The following BAG2 variants were observed in gnomAD, a reference collection of about 807,000 sequenced individuals.
BAG2 encodes BAG cochaperone 2.
Under a neutral mutation model 16.4 loss-of-function variants are expected in BAG2, and 8 were observed. That is an observed-to-expected ratio of 0.49 (90% CI 0.29 to 0.88). The LOEUF is 0.88. Among genes scored for constraint, BAG2 ranks in the 40% least tolerant of loss-of-function variants. The pLI, the probability that BAG2 is intolerant of heterozygous loss-of-function variation, is 0.09. For missense variants in BAG2, 218 were observed against 248.9 expected, an observed-to-expected ratio of 0.88 and a Z score of 0.84; for synonymous variants, 82 against 89.2, an observed-to-expected ratio of 0.92 and a Z score of 0.46.
In BAG2 at chr6:57,183,834, G is replaced by T; in HGVS notation, c.280G>T (p.Val94Phe). Reference sequence around the variant, plus strand: ...CCGTTTGATGGGAAGAACTCTCACCGTTGAAGTGTCAGTAGAAACAATTAG... The same window carrying T: ...CCGTTTGATGGGAAGAACTCTCACCTTTGAAGTGTCAGTAGAAACAATTAG... ...ANRLMGRTLTVEVSVETIRNP... is the reference protein window; with the variant it reads ...ANRLMGRTLTFEVSVETIRNP... Residue 94 changes from valine (V) to phenylalanine (F), a missense_variant, in exon 3 of 3, where the codon GTT (valine) becomes TTT (phenylalanine). Physicochemically the swap from Val to Phe is conservative, Grantham distance 50. Around this residue, in one of 3 missense-constraint regions of BAG2, gnomAD observed 30 missense variants for 57.8 expected, o/e 0.52. Transcript: ENST00000370693. 2 of 1,612,956 alleles carry T rather than the reference G, an allele frequency of 1.2e-6. No homozygotes were observed. The highest frequency in any genetic ancestry group is 1.7e-6 in the Non-Finnish European group (2 of 1,179,616).
At chr6:57,177,862 C>T (rs76105537) in intron 1 of BAG2, among the ~76,000 whole-genome samples, 134 of 152,228 alleles carry the variant, frequency 8.8e-4, no homozygotes, top group African/African-American at 3.1e-3. Flanking sequence ...AGCAGTTTGC[C>T]GTTTCGATAC....
In BAG2 at chr6:57,172,733, G is replaced by C; in HGVS notation, c.36G>C (p.Glu12Asp). The stretch of plus-strand genomic sequence containing the variant: ...CGAAGATCAACGCTAAAGCCAACGA[G>C]GGGCGCTTCTGCCGCTCCTCCTCCA... ...AQAKINAKANEGRFCRSSSMA... is the reference protein window; with the variant it reads ...AQAKINAKANDGRFCRSSSMA... Residue 12 changes from glutamate (E) to aspartate (D), a missense_variant, in exon 1 of 3, where the codon GAG becomes GAC. Physicochemically the swap from Glu to Asp is conservative, Grantham distance 45. Around this residue, in one of 3 missense-constraint regions of BAG2, gnomAD observed 75 missense variants for 63.1 expected, o/e 1.19. Coordinates refer to ENST00000370693, the MANE Select transcript of BAG2 (RefSeq NM_004282.4). 1 of 1,581,638 alleles carries C rather than the reference G, an allele frequency of 6.3e-7. No individual in the cohort carries two copies. Among genetic ancestry groups the C allele is most frequent in the Non-Finnish European group, 8.6e-7 (1 of 1,166,794 alleles).
intron 2 of BAG2, among the ~76,000 whole-genome samples, chr6:57,183,171 A>T (rs556837355): frequency 4.6e-5 from 7 of 152,328 alleles, no homozygotes; most frequent in Admixed American, 4.6e-4. Flanking sequence ...TCCTGCCCAA[A>T]GATCAATGAA....
Position 57,188,167 on chromosome 6 carries a change from T to TAAG in BAG2, c.*3979_*3981dup, listed in dbSNP as rs1199484225. ...ATGGTTTCATAAAATTAAAGTTATT[T>TAAG]AAGAGAATGAAGGGTCTTGGAAAAA... On this transcript the variant is annotated 3_prime_UTR_variant, in exon 3 of 3. Transcript: ENST00000370693. The TAAG allele has an allele frequency of 2.0e-5, 3 of 152,150 alleles. No individual in the cohort carries two copies. Among genetic ancestry groups the TAAG allele is most frequent in the African/African-American group, 7.2e-5 (3 of 41,442 alleles). The allele number at this position is 152,150 out of a possible 1,614,324, so 9.4% of individuals were successfully genotyped here. A position where few individuals can be genotyped will look rare whatever the true frequency, so the allele number is the denominator to read the frequency against.
chr6:57,179,049 A>T (rs748407876), intron 1 of BAG2, among the ~76,000 whole-genome samples: 4 of 152,212 alleles, frequency 2.6e-5, no homozygotes, highest in Non-Finnish European at 4.4e-5. Flanking sequence ...CTCTTCTTTC[A>T]GCATCTTCTC....
Position 57,184,109 on chromosome 6 carries a change from C to G in BAG2, c.555C>G (p.Asp185Glu), listed in dbSNP as rs758987860. The G allele has an allele frequency of 1.2e-6, 2 of 1,603,122 alleles. No individual in the cohort carries two copies. Among genetic ancestry groups the G allele is most frequent in the South Asian group, 2.3e-5 (2 of 88,302 alleles). ...ETLLRNIENS[D>E]KAIKLLEHSK... is the part of the protein sequence containing the mutation. ...TGCTTAGAAATATTGAAAACTCTGACAAGGCCATCAAGCTATTAGAGCATT... is the reference window on the plus strand; with the variant it reads ...TGCTTAGAAATATTGAAAACTCTGAGAAGGCCATCAAGCTATTAGAGCATT... Residue 185 changes from aspartate to glutamate, a missense_variant, in exon 3 of 3, where the codon GAC (aspartate) becomes GAG (glutamate). By Grantham distance (45) the Asp-to-Glu change is conservative (BLOSUM62 2). Transcript: ENST00000370693.
chr6:57,173,494 TA>T (rs1764189917), intron 1 of BAG2: 1 of 984,878 alleles, frequency 1.0e-6, no homozygotes, highest in Non-Finnish European at 1.2e-6. Flanking sequence ...CATAGAAGAC[TA>T]AGTGCTAGTT....
At position 57,187,779 on chromosome 6, in the gene BAG2, C is replaced by CCAA. The variant is rs1246889219; in HGVS notation, c.*3591_*3593dup. Reference sequence around the variant, plus strand: ...AGAGTTCCTTCTGAGCACTGCACTGCCAACTTCTAAAGCAACCACCTAGAA... The same window carrying CCAA: ...AGAGTTCCTTCTGAGCACTGCACTGCCAACAACTTCTAAAGCAACCACCTAGAA... On this transcript the variant is annotated 3_prime_UTR_variant, in exon 3 of 3. Coordinates refer to ENST00000370693, the MANE Select transcript of BAG2 (RefSeq NM_004282.4). 2 of 151,700 alleles carry CCAA rather than the reference C, an allele frequency of 1.3e-5. No homozygotes were observed. Among genetic ancestry groups the CCAA allele is most frequent in the Non-Finnish European group, 2.9e-5 (2 of 67,928 alleles). The allele number at this position is 151,700 out of a possible 1,614,324, so 9.4% of individuals were successfully genotyped here.
At chr6:57,175,529 G>C (rs1353414834) in intron 1 of BAG2, among the ~76,000 whole-genome samples, 2 of 152,230 alleles carry the variant, frequency 1.3e-5, no homozygotes, top group Non-Finnish European at 2.9e-5. Context: ...AGGGCATTTA[G>C]CACCCAGAGG....
At chr6:57,173,486 T>G in intron 1 of BAG2, 1 of 985,268 alleles carries the variant, frequency 1.0e-6, no homozygotes, top group African/African-American at 1.7e-5. Flanking sequence ...CCTCCCTACA[T>G]AGAAGACTAA....
At chr6:57,173,094 G>C (rs1221624679) in intron 1 of BAG2, 7 of 1,013,972 alleles carry the variant, frequency 6.9e-6, no homozygotes, top group Non-Finnish European at 8.5e-6. Flanking sequence ...GTGTTAGGGA[G>C]CGGAAAAAAA....
chr6:57,174,000 A>G (rs1764204511), intron 1 of BAG2: 1 of 167,048 alleles, frequency 6.0e-6, no homozygotes, highest in Non-Finnish European at 1.3e-5. Context: ...ACTCAAAATA[A>G]TTTCTTGGAT....
chr6:57,189,326 T>G lies in BAG2; in HGVS notation c.*5136T>G, dbSNP rs1764741719. 1 of 152,236 alleles carries G rather than the reference T, an allele frequency of 6.6e-6. No homozygotes were observed. Among genetic ancestry groups the G allele is most frequent in the Non-Finnish European group, 1.5e-5 (1 of 68,030 alleles). The allele number at this position is 152,236 out of a possible 1,614,324, so 9.4% of individuals were successfully genotyped here. On this transcript the variant is annotated 3_prime_UTR_variant, in exon 3 of 3. Coordinates refer to ENST00000370693, the MANE Select transcript of BAG2 (RefSeq NM_004282.4). ...AAAATGTGTAAACAAAAGGATGGTTTAGAGTTGCAGGGCATTATAAAATAT... is the reference window on the plus strand; with the variant it reads ...AAAATGTGTAAACAAAAGGATGGTTGAGAGTTGCAGGGCATTATAAAATAT...
chr6:57,184,491 C>A lies in BAG2; in HGVS notation c.*301C>A. 5.0e-6 allele frequency: 1 copy of A among 198,114 alleles called. No individual in the cohort carries two copies. Among genetic ancestry groups the A allele is most frequent in the Non-Finnish European group, 1.0e-5 (1 of 98,034 alleles). 12.3% of individuals were successfully genotyped at this position (198,114 alleles called of 1,614,324 possible). A position where few individuals can be genotyped will look rare whatever the true frequency, so the allele number is the denominator to read the frequency against. On this transcript the variant is annotated 3_prime_UTR_variant, in exon 3 of 3. Transcript: ENST00000370693. ...GGGAAAACAAACGTTCAGCTAGGGG[C>A]AAAAAGCATGACTGCTTTTTCCTGT...
At position 57,189,001 on chromosome 6, in the gene BAG2, A is replaced by AAGTT. The variant is rs1764725953; in HGVS notation, c.*4813_*4816dup. ...ATGACTTCATGACATTTTCCAATAA[A>AAGTT]AGTTATTTTTACAGATTTTGCAATG... On this transcript the variant is annotated 3_prime_UTR_variant, in exon 3 of 3. Coordinates refer to ENST00000370693, the MANE Select transcript of BAG2 (RefSeq NM_004282.4). 6.6e-6 allele frequency: 1 copy of AAGTT among 151,630 alleles called. No individual in the cohort carries two copies. Among genetic ancestry groups the AAGTT allele is most frequent in the East Asian group, 1.9e-4 (1 of 5,184 alleles). 9.4% of individuals were successfully genotyped at this position (151,630 alleles called of 1,614,324 possible).
chr6:57,183,407 G>A (rs994205855), intron 2 of BAG2, among the ~76,000 whole-genome samples: 3 of 152,134 alleles, frequency 2.0e-5, no homozygotes, highest in African/African-American at 7.2e-5. Flanking sequence ...TGCACATGTC[G>A]TTCTGGAGAG....
intron 1 of BAG2, among the ~76,000 whole-genome samples, chr6:57,175,259 T>C (rs1302177215): frequency 6.6e-6 from 1 of 152,240 alleles, no homozygotes; most frequent in Non-Finnish European, 1.5e-5. Flanking sequence ...TACTATGATA[T>C]TACGATTCTC....
chr6:57,178,972 G>T (rs1359228473), intron 1 of BAG2, among the ~76,000 whole-genome samples: 2 of 152,152 alleles, frequency 1.3e-5, no homozygotes. Context: ...TTCCTTTTCA[G>T]AATAGCATTG....
chr6:57,188,105 T>A lies in BAG2; in HGVS notation c.*3915T>A, dbSNP rs559709842. The A allele has an allele frequency of 6.6e-6, 1 of 152,250 alleles. No homozygotes were observed. Among genetic ancestry groups the A allele is most frequent in the African/African-American group, 2.4e-5 (1 of 41,570 alleles). 9.4% of individuals were successfully genotyped at this position (152,250 alleles called of 1,614,324 possible). A position where few individuals can be genotyped will look rare whatever the true frequency, so the allele number is the denominator to read the frequency against. ...AGTAGATTAGAGCACAAATGCACAA[T>A]CACCTGGAATCTTGGAAAAGTTTTT... On this transcript the variant is annotated 3_prime_UTR_variant, in exon 3 of 3. Transcript: ENST00000370693.
Sources: gnomAD v4.1 joint callset for allele counts (sites outside exome capture counted in the v4.1 genomes callset) on GRCh38, gnomAD v4.1.1 for gene constraint, gnomAD v4.1.1 regional missense constraint, MANE v1.5 for transcripts, NCBI Gene and HGNC (gene_info 2026-07-23, HGNC 2026-07-21) for gene names.